The following CALN1 variants were observed in gnomAD, a reference collection of about 807,000 sequenced individuals.
CALN1 encodes calcium-binding protein 8.
In CALN1, 17 loss-of-function variants were observed where a neutral mutation model predicts 30.6. The observed-to-expected ratio is 0.56, with a 90% CI of 0.38 to 0.83. The LOEUF is 0.83. Among genes scored for constraint, CALN1 ranks in the 40% least tolerant of loss-of-function variants. The probability of loss-of-function intolerance (pLI) is 0.00; values close to 1 mark genes in which losing one functional copy is unlikely to be tolerated. For synonymous variants in CALN1, 156 were observed against 131.4 expected, an observed-to-expected ratio of 1.19 and a Z score of -1.28; for missense variants, 291 against 354.9, an observed-to-expected ratio of 0.82 and a Z score of 1.45.
intron 2 of CALN1, among the ~76,000 whole-genome samples, chr7:72,387,238 AG>A (rs1182688415): frequency 8.8e-5 from 4 of 45,434 alleles, no homozygotes; most frequent in South Asian, 1.3e-3. Flanking sequence ...AAGGGAAGGG[AG>A]GGGAGGGAGG....
chr7:72,178,746 C>T (rs1338678675), intron 3 of CALN1, among the ~76,000 whole-genome samples: 1 of 151,506 alleles, frequency 6.6e-6, no homozygotes, highest in Non-Finnish European at 1.5e-5. Context: ...TTATTTTTCA[C>T]TTGGGTAATA....
chr7:71,847,726 A>G lies in CALN1; in HGVS notation c.502-37234T>C, dbSNP rs866872061. 2.9e-3 allele frequency among the ~76,000 whole-genome samples: 315 copies of G among 110,358 alleles called. 3 individuals carry two copies. Among genetic ancestry groups the G allele is most frequent in the African/African-American group, 0.012 (296 of 24,608 alleles). 72.4% of individuals were successfully genotyped at this position (110,358 alleles called of 152,430 possible). On this transcript the variant is annotated intron_variant, in intron 5 of 6. Coordinates refer to ENST00000395275, the MANE Select transcript of CALN1 (RefSeq NM_031468.4). ...GAAAGAAGAAAGAAGAAAGAAGAAG[A>G]AAGAAGAAAGAAGAAAGAAGAAGAA...
At chr7:72,121,064 T>C (rs861491) in intron 3 of CALN1, among the ~76,000 whole-genome samples, 67,206 of 146,822 alleles carry the variant, frequency 0.46, 16,759 homozygotes, top group East Asian at 0.96. Flanking sequence ...TATTATCTAT[T>C]ATATATCTAT....
At chr7:72,272,467 C>A (rs1797060728) in intron 3 of CALN1, among the ~76,000 whole-genome samples, 1 of 152,144 alleles carries the variant, frequency 6.6e-6, no homozygotes, top group African/African-American at 2.4e-5. Flanking sequence ...GAGGCTAAAG[C>A]CGGAGAATCA....
At chr7:72,225,194 C>T (rs1793586282) in intron 3 of CALN1, among the ~76,000 whole-genome samples, 1 of 151,764 alleles carries the variant, frequency 6.6e-6, no homozygotes, top group East Asian at 2.0e-4. Context: ...GGAAGGAAGT[C>T]ATTTTACCAA....
rs1185388863 is a variant in CALN1, at chr7:72,311,677, T to G, written c.120-32867A>C. Among the ~76,000 whole-genome samples the G allele has an allele frequency of 6.8e-5, 6 of 88,592 alleles. No individual in the cohort carries two copies. In the East Asian group the frequency reaches 2.0e-3, roughly 29 times the overall value. The allele number at this position is 88,592 out of a possible 152,430, so 58.1% of individuals were successfully genotyped here. On this transcript the variant is annotated intron_variant, in intron 2 of 6. Transcript: ENST00000395275. ...TTTTTTTTTTTTTTTTTTTTTTTTT[T>G]GTAGAGATGGGGTTTTGCCATGTTG...
Position 71,949,044 on chromosome 7 carries a change from TAAAAAAAA to T in CALN1, c.501+74605_501+74612del, listed in dbSNP as rs34370568. 2.4e-3 allele frequency among the ~76,000 whole-genome samples: 158 copies of T among 66,932 alleles called. 1 individual carries two copies. Among genetic ancestry groups the T allele is most frequent in the African/African-American group, 8.8e-3 (143 of 16,316 alleles). The allele number at this position is 66,932 out of a possible 152,430, so 43.9% of individuals were successfully genotyped here. On this transcript the variant is annotated intron_variant, in intron 5 of 6. Transcript: ENST00000395275. ...AGTCACACAGCAAGACTCTGTCTCT[TAAAAAAAA>T]AAAAAAAAAAAAAAAAAAAAGAATT...
the CALN1 span, among the ~76,000 whole-genome samples, chr7:72,453,991 AAAAT>A: frequency 1.4e-5 from 2 of 145,484 alleles, no homozygotes. Context: ...TCACAACCAA[AAAAT>A]ATATATATAT....
intron 4 of CALN1, among the ~76,000 whole-genome samples, chr7:72,104,458 A>C (rs916332009): frequency 6.6e-6 from 1 of 152,110 alleles, no homozygotes; most frequent in Admixed American, 6.5e-5. Context: ...TTAGATAGGT[A>C]AACATGTGCC....
intron 5 of CALN1, among the ~76,000 whole-genome samples, chr7:71,929,095 T>C (rs1025002355): frequency 1.3e-5 from 2 of 152,210 alleles, no homozygotes; most frequent in Non-Finnish European, 2.9e-5. Context: ...CATTGTAGCA[T>C]GTAACAGAAT....
chr7:72,295,794 T>C (rs1798815046), intron 2 of CALN1, among the ~76,000 whole-genome samples: 1 of 151,698 alleles, frequency 6.6e-6, no homozygotes, highest in African/African-American at 2.4e-5. Flanking sequence ...AGATATACAA[T>C]CATGTCGTCT....
chr7:71,884,016 C>T lies in CALN1; in HGVS notation c.502-73524G>A, dbSNP rs529290598. The stretch of plus-strand genomic sequence containing the variant: ...GCAATCTCCGCCTCCCAGGTTCAAG[C>T]GATTTTCCTGCCTCAGCCTCCCGAG... On this transcript the variant is annotated intron_variant, in intron 5 of 6. Coordinates refer to ENST00000395275, the MANE Select transcript of CALN1 (RefSeq NM_031468.4). 8.5e-5 allele frequency among the ~76,000 whole-genome samples: 13 copies of T among 152,240 alleles called. No homozygotes were observed. The East Asian group carries it at 1.4e-3, about 16-fold the overall frequency.
intron 2 of CALN1, among the ~76,000 whole-genome samples, chr7:72,354,527 T>C (rs149176134): frequency 9.8e-5 from 15 of 152,302 alleles, no homozygotes; most frequent in African/African-American, 3.4e-4. Context: ...AGACTTTCTT[T>C]CCAACTGATT....
intron 3 of CALN1, among the ~76,000 whole-genome samples, chr7:72,211,764 G>A (rs1792413463): frequency 6.6e-6 from 1 of 152,134 alleles, no homozygotes; most frequent in Non-Finnish European, 1.5e-5. Context: ...GGCAGATGAG[G>A]TGACAGCCGG....
intron 5 of CALN1, among the ~76,000 whole-genome samples, chr7:72,008,809 C>T (rs942400061): frequency 3.3e-5 from 5 of 151,930 alleles, no homozygotes; most frequent in Non-Finnish European, 7.4e-5. Flanking sequence ...GTGCCCGCCA[C>T]CACGCCCATC....
intron 5 of CALN1, among the ~76,000 whole-genome samples, chr7:71,837,933 G>C (rs1789717117): frequency 1.3e-5 from 2 of 152,000 alleles, no homozygotes; most frequent in Admixed American, 1.3e-4. Flanking sequence ...TGAAAAGGAG[G>C]GGGGTGGGAG....
In CALN1 at chr7:72,122,828, T is replaced by C. The variant is rs141266034; in HGVS notation, c.245-16534A>G. Among the ~76,000 whole-genome samples, 1,441 of 152,342 alleles carry C rather than the reference T, an allele frequency of 9.5e-3. 30 individuals are homozygous for C. Among genetic ancestry groups the C allele is most frequent in the African/African-American group, 0.032 (1,333 of 41,580 alleles). On this transcript the variant is annotated intron_variant, in intron 3 of 6. Transcript: ENST00000395275. ...AGCACCTACTGTATGTCAGGCAGCATTCTAGGTGCTAAGACCAGGTCCCAG... is the reference window on the plus strand; with the variant it reads ...AGCACCTACTGTATGTCAGGCAGCACTCTAGGTGCTAAGACCAGGTCCCAG...
chr7:71,814,645 TTCC>T lies in CALN1; in HGVS notation c.502-4156_502-4154del, dbSNP rs1584279119. Among the ~76,000 whole-genome samples, 3 of 152,222 alleles carry T rather than the reference TTCC, an allele frequency of 2.0e-5. No individual in the cohort carries two copies. In the East Asian group the frequency reaches 5.8e-4, roughly 29 times the overall value. ...GAGACAGCAAGACCAACACCTCCTC[TTCC>T]TCCTCCTCCACCTACTCAAGGTGAA... On this transcript the variant is annotated intron_variant, in intron 5 of 6. Coordinates refer to ENST00000395275, the MANE Select transcript of CALN1 (RefSeq NM_031468.4).
intron 3 of CALN1, among the ~76,000 whole-genome samples, chr7:72,156,381 C>T (rs1373392650): frequency 6.6e-6 from 1 of 152,204 alleles, no homozygotes; most frequent in Non-Finnish European, 1.5e-5. Context: ...CCTGTATCTT[C>T]AGACCATGGT....
Sources: gnomAD v4.1 joint callset for allele counts (sites outside exome capture counted in the v4.1 genomes callset) on GRCh38, gnomAD v4.1.1 for gene constraint, MANE v1.5 for transcripts, NCBI Gene and HGNC (gene_info 2026-07-23, HGNC 2026-07-21) for gene names.